The following HHAT variants were observed in gnomAD, a reference collection of about 807,000 sequenced individuals.
The protein encoded by HHAT is hedgehog acyltransferase.
In HHAT, 47 loss-of-function variants were observed where a neutral mutation model predicts 70.8. The ratio of observed to expected loss-of-function variants is 0.66; its 90% CI spans 0.53 to 0.85. The LOEUF (loss-of-function observed/expected upper bound fraction) is 0.85. Ranked by LOEUF, HHAT falls within the 40% of genes least tolerant of loss-of-function variation. HHAT has a pLI of 0.00. For missense variants in HHAT, 609 were observed against 604.8 expected (o/e 1.01, Z -0.07); for synonymous variants, 228 against 247.6 (o/e 0.92, Z 0.74).
chr1:210,379,905 G>A (rs1368395409), intron 3 of HHAT, among the ~76,000 whole-genome samples: 2 of 152,150 alleles, frequency 1.3e-5, no homozygotes, highest in African/African-American at 2.4e-5. Flanking sequence ...TTTTCGGAGA[G>A]TGGGCCTTGA....
chr1:210,373,383 G>GGT (rs974332242), intron 3 of HHAT, among the ~76,000 whole-genome samples: 1 of 152,000 alleles, frequency 6.6e-6, no homozygotes, highest in African/African-American at 2.4e-5. Context: ...TTCTTAAAAA[G>GGT]GTTATTACCT....
intron 11 of HHAT, among the ~76,000 whole-genome samples, chr1:210,671,770 G>A (rs1469636466): frequency 6.6e-6 from 1 of 152,210 alleles, no homozygotes; most frequent in African/African-American, 2.4e-5. Flanking sequence ...AATCTACTAA[G>A]TTTGGTAAGT....
intron 7 of HHAT, 105 bp downstream of exon 7, chr1:210,418,430 C>CA (rs2092791657): frequency 1.0e-6 from 1 of 983,340 alleles, no homozygotes; most frequent in Admixed American, 2.8e-5. Flanking sequence ...GTGCCTATAG[C>CA]AAACCCTCTT....
At chr1:210,616,203 A>G (rs1288408403) in intron 10 of HHAT, among the ~76,000 whole-genome samples, 2 of 152,092 alleles carry the variant, frequency 1.3e-5, no homozygotes, top group Non-Finnish European at 2.9e-5. Flanking sequence ...CTTAAAATCT[A>G]CTCTCTTAGT....
At chr1:210,636,826 C>T (rs6658987) in intron 11 of HHAT, among the ~76,000 whole-genome samples, 38,982 of 151,916 alleles carry the variant, frequency 0.26, 5,421 homozygotes, top group East Asian at 0.33. Flanking sequence ...TAGGTAAATG[C>T]CTTATTAGTG....
intron 1 of HHAT, among the ~76,000 whole-genome samples, chr1:210,331,783 G>A (rs1287479280): frequency 2.0e-5 from 3 of 152,176 alleles, no homozygotes; most frequent in East Asian, 3.8e-4. Flanking sequence ...CTTATCTGCC[G>A]ACTTGAACAC....
At chr1:210,383,500 G>A (rs1342602731) in intron 3 of HHAT, among the ~76,000 whole-genome samples, 3 of 152,172 alleles carry the variant, frequency 2.0e-5, no homozygotes, top group Non-Finnish European at 4.4e-5. Context: ...GGGATGAAGA[G>A]GTAGAGTACA....
intron 8 of HHAT, among the ~76,000 whole-genome samples, chr1:210,510,590 A>G (rs1232628826): frequency 1.3e-5 from 2 of 152,168 alleles, no homozygotes; most frequent in Admixed American, 1.3e-4. Flanking sequence ...ATCATTTTCA[A>G]TTAGTAATAA....
intron 9 of HHAT, among the ~76,000 whole-genome samples, chr1:210,575,198 A>G (rs1052481492): frequency 1.3e-5 from 2 of 152,042 alleles, no homozygotes; most frequent in African/African-American, 4.8e-5. Context: ...TCATATGGAC[A>G]TCCTTATTGG....
At chr1:210,559,175 G>T (rs2095599327) in intron 9 of HHAT, among the ~76,000 whole-genome samples, 1 of 152,156 alleles carries the variant, frequency 6.6e-6, no homozygotes. Context: ...TCAGGCTGTA[G>T]CCTCTTATTG....
At chr1:210,445,084 T>G (rs1406298191) in intron 7 of HHAT, among the ~76,000 whole-genome samples, 2 of 152,018 alleles carry the variant, frequency 1.3e-5, no homozygotes, top group African/African-American at 2.4e-5. Context: ...GTGATCTGCC[T>G]GACTCGGCCT....
chr1:210,662,690 T>C (rs537412248), intron 11 of HHAT, among the ~76,000 whole-genome samples: 27 of 150,696 alleles, frequency 1.8e-4, no homozygotes, highest in African/African-American at 5.9e-4. Flanking sequence ...CCCCTTCTGC[T>C]TGTGCTGTCA....
At chr1:210,526,278 T>A (rs536891096) in intron 9 of HHAT, among the ~76,000 whole-genome samples, 1 of 152,042 alleles carries the variant, frequency 6.6e-6, no homozygotes, top group African/African-American at 2.4e-5. Flanking sequence ...AGTTCCTGAC[T>A]GCAACACCTC....
chr1:210,483,918 G>A (rs2094436391), intron 8 of HHAT, among the ~76,000 whole-genome samples: 1 of 152,170 alleles, frequency 6.6e-6, no homozygotes, highest in Non-Finnish European at 1.5e-5. Flanking sequence ...TGGTCAAAAT[G>A]CTGTGAATTC....
chr1:210,549,997 C>T (rs1376554004), intron 9 of HHAT, among the ~76,000 whole-genome samples: 1 of 149,290 alleles, frequency 6.7e-6, no homozygotes, highest in African/African-American at 2.5e-5. Context: ...TGTTTACTGT[C>T]TCTACTCACC....
intron 1 of HHAT, among the ~76,000 whole-genome samples, chr1:210,340,234 C>A (rs2085891887): frequency 1.0e-5 from 1 of 95,736 alleles, no homozygotes; most frequent in Non-Finnish European, 1.9e-5. Flanking sequence ...GAGCAAGACT[C>A]TGTCTCAGAA....
chr1:210,345,767 G>A (rs1175176581), intron 1 of HHAT, among the ~76,000 whole-genome samples: 3 of 152,164 alleles, frequency 2.0e-5, no homozygotes, highest in Non-Finnish European at 2.9e-5. Context: ...TGTTCAGTAA[G>A]GACTCACTGT....
At chr1:210,662,062 G>T (rs538978225) in intron 11 of HHAT, among the ~76,000 whole-genome samples, 2 of 152,152 alleles carry the variant, frequency 1.3e-5, no homozygotes, top group African/African-American at 4.8e-5. Flanking sequence ...TAACTTATTA[G>T]TGTTAGTTCA....
rs145452775 is a variant in HHAT at position 210,371,123 on chromosome 1, C to T, written c.159+8204C>T. On this transcript the variant is annotated intron_variant, in intron 3 of 11. Transcript: ENST00000261458. ...TTCACAAGAAGGAAGCAAACCTGAC[C>T]TTCCATCACCAATCATGGGTTTCTT... Among the ~76,000 whole-genome samples the T allele has an allele frequency of 3.7e-3, 561 of 152,210 alleles. 2 individuals are homozygous for T. The highest frequency in any genetic ancestry group is 0.013 in the African/African-American group (522 of 41,550).
Sources: allele counts gnomAD v4.1 joint callset (sites outside exome capture counted in the v4.1 genomes callset), GRCh38; gene constraint gnomAD v4.1.1; transcripts MANE v1.5; gene names NCBI Gene and HGNC (gene_info 2026-07-23, HGNC 2026-07-21).